NAMPT: variants seen among roughly 807,000 people sequenced by gnomAD.
The protein encoded by NAMPT is NAmPRTase.
NAMPT carries 7 observed loss-of-function variants against 58.7 expected under a neutral mutation model. The ratio of observed to expected loss-of-function variants is 0.12; its 90% CI spans 0.07 to 0.22. The LOEUF is 0.22. NAMPT is among the 10% of genes least tolerant of loss of function. The pLI is 1.00. For synonymous variants in NAMPT, 145 were observed against 198.1 expected, an observed-to-expected ratio of 0.73 and a Z score of 2.25; for missense variants, 271 against 567.9, an observed-to-expected ratio of 0.48 and a Z score of 5.31.
chr7:106,254,755 G>A (rs892150695), intron 8 of NAMPT, among the ~76,000 whole-genome samples: 1 of 152,120 alleles, frequency 6.6e-6, no homozygotes, highest in African/African-American at 2.4e-5. Flanking sequence ...GGTAGGATTC[G>A]GGGAGTGAAG....
chr7:106,255,679 A>G (rs1792186698), intron 8 of NAMPT, among the ~76,000 whole-genome samples: 1 of 152,246 alleles, frequency 6.6e-6, no homozygotes, highest in Non-Finnish European at 1.5e-5. Flanking sequence ...AACTTATTTA[A>G]AAGTGATTCT....
intron 9 of NAMPT, chr7:106,253,562 G>C (rs1792139976): frequency 6.0e-6 from 1 of 167,676 alleles, no homozygotes; most frequent in South Asian, 1.3e-4. Flanking sequence ...ACAATCTTTG[G>C]AGAGGGAACA....
intron 10 of NAMPT, 32 bp from the exon 11 acceptor site, chr7:106,251,225 C>T (rs1274882708): frequency 7.3e-7 from 1 of 1,374,234 alleles, no homozygotes; most frequent in East Asian, 2.3e-5. Context: ...GATTATATTA[C>T]ATTATTAAGC....
intron 2 of NAMPT, 189 bp from the exon 3 acceptor site, chr7:106,275,238 G>A (rs1792610287): frequency 2.6e-6 from 1 of 378,866 alleles, no homozygotes; most frequent in East Asian, 4.0e-5. Flanking sequence ...ATAACTCAAA[G>A]TATAAATGTT....
chr7:106,269,989 A>G (rs1304458697), intron 4 of NAMPT, among the ~76,000 whole-genome samples: 1 of 152,172 alleles, frequency 6.6e-6, no homozygotes, highest in Admixed American at 6.5e-5. Context: ...TAAAATACTC[A>G]CGTAAGTTAC....
chr7:106,268,277 T>G, intron 6 of NAMPT, 187 bp downstream of exon 6: 1 of 499,664 alleles, frequency 2.0e-6, no homozygotes, highest in Admixed American at 3.5e-5. Flanking sequence ...TCTTCTAGCA[T>G]GGATAAAATT....
intron 6 of NAMPT, among the ~76,000 whole-genome samples, chr7:106,265,144 T>C (rs985552789): frequency 6.6e-6 from 1 of 152,140 alleles, no homozygotes; most frequent in African/African-American, 2.4e-5. Flanking sequence ...GAGAAGCTCC[T>C]CTTCATATTC....
intron 9 of NAMPT, 118 bp from the exon 10 acceptor site, chr7:106,253,269 G>A: frequency 9.4e-7 from 1 of 1,065,208 alleles, no homozygotes; most frequent in East Asian, 2.6e-5. Context: ...CACTTAATAG[G>A]TATAACTGAA....
intron 4 of NAMPT, among the ~76,000 whole-genome samples, chr7:106,269,649 T>C (rs552986410): frequency 6.6e-6 from 1 of 152,306 alleles, no homozygotes; most frequent in East Asian, 1.9e-4. Flanking sequence ...TGATCTGTCA[T>C]GGATCAATAG....
intron 3 of NAMPT, among the ~76,000 whole-genome samples, chr7:106,273,499 C>T (rs1024284711): frequency 6.6e-6 from 1 of 152,114 alleles, no homozygotes. Context: ...CCCTACAGGT[C>T]CTAGTTTGGA....
rs1476067573 is a variant in NAMPT, at chr7:106,251,012, C to T, written c.*71G>A. The T allele has an allele frequency of 5.8e-6, 7 of 1,201,628 alleles. No individual in the cohort carries two copies. Among genetic ancestry groups the T allele is most frequent in the Non-Finnish European group, 8.6e-6 (7 of 817,344 alleles). 74.4% of individuals were successfully genotyped at this position (1,201,628 alleles called of 1,614,324 possible). On this transcript the variant is annotated 3_prime_UTR_variant, in exon 11 of 11. Coordinates refer to ENST00000222553, the MANE Select transcript of NAMPT (RefSeq NM_005746.3). ...AATTTGGCTGTAATGTATCATAAAA[C>T]ACAAACCCCACACATCTGTACAATA...
At chr7:106,281,257 G>A (rs1792759103) in intron 1 of NAMPT, among the ~76,000 whole-genome samples, 2 of 151,790 alleles carry the variant, frequency 1.3e-5, no homozygotes, top group African/African-American at 4.8e-5. Context: ...TATTTCAGTT[G>A]AACAGAATCC....
chr7:106,256,840 C>T (rs554941062), intron 8 of NAMPT, among the ~76,000 whole-genome samples: 3 of 152,108 alleles, frequency 2.0e-5, no homozygotes, highest in Non-Finnish European at 4.4e-5. Context: ...AGAGGAACAT[C>T]TGTATTATCC....
chr7:106,277,320 C>G (rs1792665893), intron 1 of NAMPT, 141 bp from the exon 2 acceptor site: 2 of 683,066 alleles, frequency 2.9e-6, no homozygotes, highest in African/African-American at 3.6e-5. Context: ...CTGGCTATAC[C>G]AAATAAAAAA....
In NAMPT at chr7:106,279,507, C is replaced by T. The variant is rs182222843; in HGVS notation, c.58-2328G>A. On this transcript the variant is annotated intron_variant, in intron 1 of 10. Coordinates refer to ENST00000222553, the MANE Select transcript of NAMPT (RefSeq NM_005746.3). ...AAGAAAGTATTTCTAACAATGTAGT[C>T]AAAAGGATTTATAATGATTCTAGTT... 1.4e-3 allele frequency among the ~76,000 whole-genome samples: 209 copies of T among 152,276 alleles called. 1 individual carries two copies. Among genetic ancestry groups the T allele is most frequent in the Middle Eastern group, 3.4e-3 (1 of 294 alleles).
chr7:106,268,285 A>C, intron 6 of NAMPT, 179 bp downstream of exon 6: 2 of 521,276 alleles, frequency 3.8e-6, no homozygotes, highest in Non-Finnish European at 6.6e-6. Flanking sequence ...CATGGATAAA[A>C]TTTCTCTGCC....
At chr7:106,256,178 C>T (rs1279096204) in intron 8 of NAMPT, among the ~76,000 whole-genome samples, 3 of 151,994 alleles carry the variant, frequency 2.0e-5, no homozygotes, top group Admixed American at 1.3e-4. Context: ...TCAATGATAC[C>T]CAAGAAGACT....
chr7:106,272,373 A>G, intron 4 of NAMPT, 157 bp downstream of exon 4: 1 of 578,236 alleles, frequency 1.7e-6, no homozygotes, highest in Non-Finnish European at 2.9e-6. Flanking sequence ...AAGATTATTT[A>G]GTCTGTCATT....
At chr7:106,272,992 A>G (rs1792565531) in intron 3 of NAMPT, among the ~76,000 whole-genome samples, 1 of 152,226 alleles carries the variant, frequency 6.6e-6, no homozygotes, top group South Asian at 2.1e-4. Context: ...AGAAAGGATG[A>G]CTTTATTCCA....
Sources: allele counts gnomAD v4.1 joint callset (sites outside exome capture counted in the v4.1 genomes callset), GRCh38; gene constraint gnomAD v4.1.1; transcripts MANE v1.5; gene names NCBI Gene and HGNC (gene_info 2026-07-23, HGNC 2026-07-21).